CNTNAP5: variants seen among roughly 807,000 people sequenced by gnomAD.
CNTNAP5 encodes contactin associated protein family member 5.
CNTNAP5 carries 72 observed loss-of-function variants against 150.2 expected under a neutral mutation model. That is an observed-to-expected ratio of 0.48 (90% confidence interval 0.40 to 0.58). The LOEUF (loss-of-function observed/expected upper bound fraction) is 0.58, where lower values mean the gene tolerates loss of function less well. CNTNAP5 is among the 20% of genes least tolerant of loss of function. The probability of loss-of-function intolerance (pLI) is 0.00; values close to 1 mark genes in which losing one functional copy is unlikely to be tolerated. For synonymous variants in CNTNAP5, 672 were observed against 619.8 expected (o/e 1.08, Z -1.25); for missense variants, 1,636 against 1,626.2 (o/e 1.01, Z -0.10).
At chr2:124,301,438 A>G (rs948256124) in intron 3 of CNTNAP5, among the ~76,000 whole-genome samples, 3 of 152,220 alleles carry the variant, frequency 2.0e-5, no homozygotes, top group Non-Finnish European at 4.4e-5. Flanking sequence ...TTTATGCATA[A>G]TGTGGTATTC....
chr2:124,695,989 C>G (rs1314232598), intron 13 of CNTNAP5, among the ~76,000 whole-genome samples: 2 of 152,142 alleles, frequency 1.3e-5, no homozygotes, highest in African/African-American at 4.8e-5. Flanking sequence ...CTCAAAATCA[C>G]TTGTCTGTTA....
At chr2:124,478,188 C>T (rs538780953) in intron 7 of CNTNAP5, among the ~76,000 whole-genome samples, 22 of 152,078 alleles carry the variant, frequency 1.4e-4, no homozygotes, top group Admixed American at 3.3e-4. Flanking sequence ...TAGCTTTCAC[C>T]GTTTCGTTTT....
chr2:124,893,146 T>A (rs1381500390), intron 21 of CNTNAP5, among the ~76,000 whole-genome samples: 1 of 152,132 alleles, frequency 6.6e-6, no homozygotes, highest in Non-Finnish European at 1.5e-5. Flanking sequence ...TCCTACAGGC[T>A]GGGACTGGGT....
chr2:124,317,179 C>A (rs1352207810), intron 3 of CNTNAP5, among the ~76,000 whole-genome samples: 1 of 152,120 alleles, frequency 6.6e-6, no homozygotes, highest in East Asian at 1.9e-4. Context: ...GACTTCAGGG[C>A]AGACTTACCT....
chr2:124,761,584 T>G (rs1680956614), intron 14 of CNTNAP5, among the ~76,000 whole-genome samples: 1 of 152,126 alleles, frequency 6.6e-6, no homozygotes, highest in African/African-American at 2.4e-5. Flanking sequence ...ACAGCTATTT[T>G]ATACTTATCT....
chr2:124,301,452 G>T (rs1340998506), intron 3 of CNTNAP5, among the ~76,000 whole-genome samples: 3 of 152,258 alleles, frequency 2.0e-5, no homozygotes, highest in African/African-American at 4.8e-5. Context: ...GGTATTCTTG[G>T]CTATCCTCAT....
At chr2:124,262,263 A>G (rs1687478208) in intron 3 of CNTNAP5, among the ~76,000 whole-genome samples, 1 of 152,100 alleles carries the variant, frequency 6.6e-6, no homozygotes, top group South Asian at 2.1e-4. Flanking sequence ...ATAAATGAAT[A>G]ACCCACCCCA....
chr2:124,801,097 C>A (rs903087221), intron 19 of CNTNAP5, among the ~76,000 whole-genome samples: 4 of 152,130 alleles, frequency 2.6e-5, no homozygotes, highest in African/African-American at 7.2e-5. Flanking sequence ...GGGAAAGATA[C>A]CCTGATTTAG....
chr2:124,809,778 T>C (rs1434272712), intron 19 of CNTNAP5, among the ~76,000 whole-genome samples: 2 of 152,170 alleles, frequency 1.3e-5, no homozygotes, highest in Non-Finnish European at 2.9e-5. Flanking sequence ...TATCTAATAG[T>C]ATTTACAGAA....
intron 3 of CNTNAP5, among the ~76,000 whole-genome samples, chr2:124,358,737 T>C (rs1047213296): frequency 1.3e-5 from 2 of 152,184 alleles, no homozygotes; most frequent in African/African-American, 2.4e-5. Context: ...TGCATCAATG[T>C]TCATCAAGTA....
At chr2:124,659,570 C>T (rs1678540666) in intron 13 of CNTNAP5, among the ~76,000 whole-genome samples, 1 of 152,042 alleles carries the variant, frequency 6.6e-6, no homozygotes, top group Admixed American at 6.5e-5. Flanking sequence ...TCACTTGCAT[C>T]TCATTTTCTT....
chr2:124,860,490 TC>T lies in CNTNAP5; in HGVS notation c.3218-4814del, dbSNP rs1433492233. Reference sequence around the variant, plus strand: ...TTCCTTCCTTCCTTCCTTCCTTCCTTCCTTCCTTCCTTCTTTCCTTCCTTCC... The same window carrying T: ...TTCCTTCCTTCCTTCCTTCCTTCCTTCTTCCTTCCTTCTTTCCTTCCTTCC... On this transcript the variant is annotated intron_variant, in intron 19 of 23. Transcript: ENST00000682447. 8.2e-3 allele frequency among the ~76,000 whole-genome samples: 899 copies of T among 110,288 alleles called. 52 individuals are homozygous for T. The highest frequency in any genetic ancestry group is 0.069 in the East Asian group (277 of 4,002). The allele number at this position is 110,288 out of a possible 152,430, so 72.4% of individuals were successfully genotyped here.
chr2:124,280,562 G>T (rs965726414), intron 3 of CNTNAP5, among the ~76,000 whole-genome samples: 3 of 152,102 alleles, frequency 2.0e-5, no homozygotes, highest in African/African-American at 7.2e-5. Context: ...ACATTTTGGT[G>T]ACAATGGCGA....
In CNTNAP5 at chr2:124,874,189, T is replaced by C. The variant is rs1677807748; in HGVS notation, c.3436+4427T>C. On this transcript the variant is annotated intron_variant, in intron 21 of 23. Transcript: ENST00000682447. ...TTACGGGATATTGCAAGGTTTATTC[T>C]TTGGTTTACTGACATTTCTTAACTT... Among the ~76,000 whole-genome samples the C allele has an allele frequency of 2.0e-5, 3 of 152,122 alleles. No homozygotes were observed. In the South Asian group the frequency reaches 6.2e-4, roughly 31 times the overall value.
At chr2:124,718,430 A>G (rs967466230) in intron 13 of CNTNAP5, among the ~76,000 whole-genome samples, 1 of 151,892 alleles carries the variant, frequency 6.6e-6, no homozygotes, top group Non-Finnish European at 1.5e-5. Flanking sequence ...TATTTTTCCT[A>G]TTTCTCTTCT....
chr2:124,706,801 G>A (rs373049870), intron 13 of CNTNAP5, among the ~76,000 whole-genome samples: 494 of 6,522 alleles, frequency 0.076, 4 homozygotes, highest in Middle Eastern at 0.2. Context: ...GAAGAAGGAG[G>A]AGGAGGAGGA....
intron 4 of CNTNAP5, among the ~76,000 whole-genome samples, chr2:124,431,563 T>C (rs180781930): frequency 0.029 from 4,146 of 142,668 alleles, 124 homozygotes; most frequent in South Asian, 0.12. Context: ...ATATAATTTC[T>C]TTATATAAAC....
At chr2:124,342,563 A>T (rs529248949) in intron 3 of CNTNAP5, among the ~76,000 whole-genome samples, 181 of 152,306 alleles carry the variant, frequency 1.2e-3, no homozygotes, top group Non-Finnish European at 2.0e-3. Flanking sequence ...CTTTGGTAAT[A>T]TAACAGTGTT....
intron 3 of CNTNAP5, among the ~76,000 whole-genome samples, chr2:124,348,052 G>A (rs554790161): frequency 1.2e-4 from 18 of 152,064 alleles, no homozygotes; most frequent in Non-Finnish European, 1.9e-4. Context: ...GGATGGTCTC[G>A]ATCTCCTGAC....
Sources: allele counts gnomAD v4.1 joint callset (sites outside exome capture counted in the v4.1 genomes callset), GRCh38; gene constraint gnomAD v4.1.1; transcripts MANE v1.5; gene names NCBI Gene and HGNC (gene_info 2026-07-23, HGNC 2026-07-21).